TTC28: variants seen among roughly 807,000 people sequenced by gnomAD.
The protein encoded by TTC28 is tetratricopeptide repeat domain 28.
In TTC28, 61 loss-of-function variants were observed where a neutral mutation model predicts 198.0. That is an observed-to-expected ratio of 0.31 (90% CI 0.25 to 0.38). TTC28 has a LOEUF of 0.38. Ranked by LOEUF, TTC28 falls within the 10% of genes least tolerant of loss-of-function variation. The probability of loss-of-function intolerance (pLI) is 1.00; values close to 1 mark genes in which losing one functional copy is unlikely to be tolerated. For synonymous variants in TTC28, 1,171 were observed against 1,297.8 expected (o/e 0.90, Z 2.10); for missense variants, 2,678 against 3,164.0 (o/e 0.85, Z 3.69).
intron 5 of TTC28, among the ~76,000 whole-genome samples, chr22:28,259,285 A>G (rs577964058): frequency 1.3e-5 from 2 of 152,286 alleles, no homozygotes; most frequent in Non-Finnish European, 2.9e-5. Flanking sequence ...CATAGTAGGT[A>G]TTTATTAAAT....
At chr22:28,558,157 G>A (rs752222142) in intron 2 of TTC28, among the ~76,000 whole-genome samples, 33 of 152,110 alleles carry the variant, frequency 2.2e-4, no homozygotes, top group African/African-American at 7.5e-4. Flanking sequence ...TTATTCTTCC[G>A]AAGGTGAAAT....
At chr22:28,455,423 G>A (rs1353872740) in intron 2 of TTC28, among the ~76,000 whole-genome samples, 4 of 152,092 alleles carry the variant, frequency 2.6e-5, no homozygotes, top group South Asian at 4.2e-4. Context: ...CTAAACAAAA[G>A]AGCATCATGG....
intron 2 of TTC28, among the ~76,000 whole-genome samples, chr22:28,567,700 C>T (rs1028514531): frequency 1.3e-5 from 2 of 151,028 alleles, no homozygotes; most frequent in African/African-American, 2.4e-5. Context: ...CACCCTTTCT[C>T]GGGAAGCTGC....
chr22:28,678,755 T>C (rs992056541), intron 1 of TTC28, among the ~76,000 whole-genome samples: 4 of 152,224 alleles, frequency 2.6e-5, no homozygotes, highest in African/African-American at 7.2e-5. Context: ...CTACAGTGTG[T>C]CAGGCACCAT....
chr22:28,133,092 G>A (rs1016327826), intron 6 of TTC28, among the ~76,000 whole-genome samples: 12 of 152,182 alleles, frequency 7.9e-5, no homozygotes, highest in Non-Finnish European at 1.3e-4. Context: ...GTGTGATGGC[G>A]CATGCCTGTA....
intron 1 of TTC28, among the ~76,000 whole-genome samples, chr22:28,651,311 CT>C (rs111469498): frequency 1.4e-5 from 2 of 147,458 alleles, no homozygotes; most frequent in African/African-American, 5.1e-5. Context: ...TCTGTCACTC[CT>C]TTTTTTTGAG....
intron 2 of TTC28, among the ~76,000 whole-genome samples, chr22:28,453,749 T>TG (rs2047818377): frequency 6.6e-6 from 1 of 152,232 alleles, no homozygotes; most frequent in South Asian, 2.1e-4. Flanking sequence ...CAACATCATC[T>TG]GGTCTACTAC....
rs1012316245 is a variant in TTC28, at chr22:28,381,395, G to A, written c.382-74752C>T. Among the ~76,000 whole-genome samples, 58 of 152,088 alleles carry A rather than the reference G, an allele frequency of 3.8e-4. 2 individuals are homozygous for A. The highest frequency in any genetic ancestry group is 6.2e-4 in the South Asian group (3 of 4,826). On this transcript the variant is annotated intron_variant, in intron 2 of 22. Coordinates refer to ENST00000397906, the MANE Select transcript of TTC28 (RefSeq NM_001145418.2). ...ACCTAAAAGAGATAAAATGTGTGAC[G>A]CTCCTGGTATAAGATCAATGCTCAA...
At chr22:28,580,040 A>C (rs1420855067) in intron 2 of TTC28, among the ~76,000 whole-genome samples, 5 of 152,268 alleles carry the variant, frequency 3.3e-5, no homozygotes, top group Non-Finnish European at 4.4e-5. Flanking sequence ...AAAACTAGAT[A>C]AACAGATTAT....
At chr22:28,233,769 G>C (rs1451765368) in intron 5 of TTC28, among the ~76,000 whole-genome samples, 3 of 152,136 alleles carry the variant, frequency 2.0e-5, no homozygotes, top group African/African-American at 7.2e-5. Context: ...TTTGGAGATG[G>C]AGTCTCATTC....
chr22:28,306,617 G>C lies in TTC28; in HGVS notation c.408C>G (p.Leu136=), dbSNP rs1167490350. Reference sequence around the variant, plus strand: ...CATCGGCATGACGTCCAAGGTACTGGAGGGCAACACCCTGTCGGAAGTATG... The same window carrying C: ...CATCGGCATGACGTCCAAGGTACTGCAGGGCAACACCCTGTCGGAAGTATG... ...PKAYFRQGVA[L]QYLGRHADAL... Residue 136 remains leucine (L), a synonymous_variant, in exon 3 of 23, where the codon CTC becomes CTG. Coordinates refer to ENST00000397906, the MANE Select transcript of TTC28 (RefSeq NM_001145418.2). 5.8e-6 allele frequency: 9 copies of C among 1,551,566 alleles called. No individual in the cohort carries two copies. In the South Asian group the frequency reaches 1.1e-4, roughly 18 times the overall value.
intron 12 of TTC28, among the ~76,000 whole-genome samples, chr22:28,082,177 T>G (rs1373982727): frequency 6.6e-6 from 1 of 152,232 alleles, no homozygotes. Context: ...GTTTTCTACA[T>G]ATAAGATCAT....
At chr22:28,561,388 T>G (rs1324822512) in intron 2 of TTC28, among the ~76,000 whole-genome samples, 1 of 152,138 alleles carries the variant, frequency 6.6e-6, no homozygotes, top group Non-Finnish European at 1.5e-5. Flanking sequence ...CTCCTTCATT[T>G]TATAACTCCT....
chr22:28,528,953 A>C (rs2049069103), intron 2 of TTC28, among the ~76,000 whole-genome samples: 1 of 152,176 alleles, frequency 6.6e-6, no homozygotes, highest in Non-Finnish European at 1.5e-5. Flanking sequence ...GGGAGGTTCC[A>C]AGATTACCAA....
intron 2 of TTC28, among the ~76,000 whole-genome samples, chr22:28,359,840 T>C (rs906602951): frequency 1.3e-5 from 2 of 152,248 alleles, no homozygotes; most frequent in East Asian, 1.9e-4. Context: ...CCATTTGGCC[T>C]GGGGATGTGA....
chr22:28,455,670 C>T (rs1452596229), intron 2 of TTC28, among the ~76,000 whole-genome samples: 2 of 150,694 alleles, frequency 1.3e-5, no homozygotes, highest in African/African-American at 2.4e-5. Context: ...GACAAGATTG[C>T]ACCACTGCAC....
chr22:28,123,960 G>C (rs1026462504), intron 6 of TTC28, among the ~76,000 whole-genome samples: 1 of 152,114 alleles, frequency 6.6e-6, no homozygotes, highest in Non-Finnish European at 1.5e-5. Flanking sequence ...TCCAACCTGG[G>C]TGACAGAGCG....
chr22:28,313,237 A>T (rs2045296934), intron 2 of TTC28, among the ~76,000 whole-genome samples: 1 of 152,220 alleles, frequency 6.6e-6, no homozygotes, highest in Admixed American at 6.5e-5. Flanking sequence ...ACCAAACAAA[A>T]ACAGTCTGGG....
At chr22:28,392,713 C>T (rs889518673) in intron 2 of TTC28, among the ~76,000 whole-genome samples, 10 of 152,206 alleles carry the variant, frequency 6.6e-5, no homozygotes, top group Admixed American at 3.9e-4. Flanking sequence ...ACGCATGGTG[C>T]GCGCACCCAC....
Sources: allele counts gnomAD v4.1 joint callset (sites outside exome capture counted in the v4.1 genomes callset), GRCh38; gene constraint gnomAD v4.1.1; transcripts MANE v1.5; gene names NCBI Gene and HGNC (gene_info 2026-07-23, HGNC 2026-07-21).